CFAP61: variants seen among roughly 807,000 people sequenced by gnomAD.
CFAP61 encodes the protein cilia and flagella associated protein 61.
A neutral mutation model predicts 135.6 loss-of-function variants in CFAP61; 107 were observed. That is an observed-to-expected ratio of 0.79 (90% confidence interval 0.67 to 0.93). The LOEUF is 0.93. Among genes scored for constraint, CFAP61 ranks in the 40% least tolerant of loss-of-function variants. The probability of loss-of-function intolerance (pLI) is 0.00; values close to 1 mark genes in which losing one functional copy is unlikely to be tolerated. For synonymous variants in CFAP61, 575 were observed against 578.5 expected (o/e 0.99, Z 0.09); for missense variants, 1,507 against 1,556.2 (o/e 0.97, Z 0.53).
intron 8 of CFAP61, among the ~76,000 whole-genome samples, chr20:20,134,360 G>A (rs186118486): frequency 2.6e-5 from 4 of 152,330 alleles, no homozygotes; most frequent in African/African-American, 9.6e-5. Context: ...CAAGTTCAGT[G>A]TTGCTGGAGC....
At chr20:20,118,625 A>T (rs1600753239) in intron 8 of CFAP61, among the ~76,000 whole-genome samples, 1 of 151,018 alleles carries the variant, frequency 6.6e-6, no homozygotes, top group South Asian at 2.1e-4. Context: ...ACAGGTGTGA[A>T]CCACTGTGCC....
At chr20:20,326,578 C>G (rs2057755193) in intron 25 of CFAP61, among the ~76,000 whole-genome samples, 1 of 152,056 alleles carries the variant, frequency 6.6e-6, no homozygotes, top group Non-Finnish European at 1.5e-5. Context: ...ATAATTTTCC[C>G]AACAACTCTT....
At chr20:20,135,387 G>A (rs2050844039) in intron 8 of CFAP61, among the ~76,000 whole-genome samples, 1 of 152,160 alleles carries the variant, frequency 6.6e-6, no homozygotes, top group South Asian at 2.1e-4. Flanking sequence ...CAATTATGAA[G>A]AAGACAAAAG....
At chr20:20,052,777 AGG>A (rs1201813006) in intron 1 of CFAP61, 186 bp downstream of exon 1, 7 of 1,505,830 alleles carry the variant, frequency 4.6e-6, no homozygotes, top group Non-Finnish European at 6.3e-6. Context: ...CGGGGGAAGA[AGG>A]GAGAGCGAGG....
Position 20,294,749 on chromosome 20 carries a change from A to G in CFAP61, c.3217-3432A>G, listed in dbSNP as rs867586533. 3.8e-3 allele frequency among the ~76,000 whole-genome samples: 573 copies of G among 151,730 alleles called. 3 individuals carry two copies. The highest frequency in any genetic ancestry group is 6.9e-3 in the Middle Eastern group (2 of 290). On this transcript the variant is annotated intron_variant, in intron 24 of 26. Coordinates refer to ENST00000245957, the MANE Select transcript of CFAP61 (RefSeq NM_015585.4). Reference sequence around the variant, plus strand: ...CGAGACCATCCTGGCTAACAAGGTGAAACCCCGTCTCTACTAAAAATACAA... The same window carrying G: ...CGAGACCATCCTGGCTAACAAGGTGGAACCCCGTCTCTACTAAAAATACAA...
chr20:20,186,390 T>C (rs2055500989), intron 13 of CFAP61, among the ~76,000 whole-genome samples: 1 of 152,238 alleles, frequency 6.6e-6, no homozygotes, highest in African/African-American at 2.4e-5. Context: ...TTCTGTTGTA[T>C]GTATCAATCA....
In CFAP61 at chr20:20,239,244, C is replaced by A. The variant is rs560588803; in HGVS notation, c.2061-6873C>A. 2.0e-5 allele frequency among the ~76,000 whole-genome samples: 3 copies of A among 152,238 alleles called. No homozygotes were observed. In the South Asian group the frequency reaches 6.2e-4, roughly 32 times the overall value. ...TCATGACTTTAGACCAATACTCTTACATAGTTATAGATTTAAGAAATTAAA... is the reference window on the plus strand; with the variant it reads ...TCATGACTTTAGACCAATACTCTTAAATAGTTATAGATTTAAGAAATTAAA... On this transcript the variant is annotated intron_variant, in intron 18 of 26. Coordinates refer to ENST00000245957, the MANE Select transcript of CFAP61 (RefSeq NM_015585.4).
At chr20:20,160,136 G>C (rs947971270) in intron 10 of CFAP61, among the ~76,000 whole-genome samples, 6 of 152,210 alleles carry the variant, frequency 3.9e-5, no homozygotes, top group Admixed American at 3.9e-4. Context: ...GGAGGGTGTT[G>C]TAGGCTTTTG....
intron 25 of CFAP61, chr20:20,316,622 T>G (rs2057154127): frequency 6.6e-6 from 1 of 151,818 alleles, no homozygotes; most frequent in South Asian, 2.1e-4. Context: ...TGTGCCAGTT[T>G]TCAAAGGGAA....
At chr20:20,200,912 G>C (rs1286692047) in intron 17 of CFAP61, 1 of 985,084 alleles carries the variant, frequency 1.0e-6, no homozygotes, top group South Asian at 4.7e-5. Context: ...GGATGGGGAG[G>C]GCACCTCCAT....
chr20:20,201,244 A>G (rs535906140), intron 17 of CFAP61, among the ~76,000 whole-genome samples: 20 of 152,320 alleles, frequency 1.3e-4, no homozygotes, highest in African/African-American at 4.1e-4. Flanking sequence ...TCTTACTCAT[A>G]TCTTCATAGA....
At chr20:20,170,530 A>G (rs895427374) in intron 13 of CFAP61, among the ~76,000 whole-genome samples, 2 of 152,200 alleles carry the variant, frequency 1.3e-5, no homozygotes, top group African/African-American at 2.4e-5. Flanking sequence ...TATTTTTACA[A>G]AATGTTCTGA....
At position 20,318,776 on chromosome 20, in the gene CFAP61, CA is replaced by C. The variant is rs201583732; in HGVS notation, c.3422+20391del. Among the ~76,000 whole-genome samples, 842 of 152,318 alleles carry C rather than the reference CA, an allele frequency of 5.5e-3. 14 individuals are homozygous for C. Among genetic ancestry groups the C allele is most frequent in the African/African-American group, 0.019 (799 of 41,568 alleles). On this transcript the variant is annotated intron_variant, in intron 25 of 26. Transcript: ENST00000245957. ...CATGGCCATGTCCCAGCCCTGAGGCCAGGGGGCAAGGCTGCTTGGGGGTCAG... is the reference window on the plus strand; with the variant it reads ...CATGGCCATGTCCCAGCCCTGAGGCCGGGGGCAAGGCTGCTTGGGGGTCAG...
Position 20,090,918 on chromosome 20 carries a change from A to G in CFAP61, c.641A>G (p.Tyr214Cys). The G allele has an allele frequency of 1.2e-6, 2 of 1,614,110 alleles. No homozygotes were observed. The highest frequency in any genetic ancestry group is 8.5e-7 in the Non-Finnish European group (1 of 1,179,998). Residue 214 changes from tyrosine to cysteine, a missense_variant, in exon 7 of 27, where the codon TAC (tyrosine) becomes TGC (cysteine). Coordinates refer to ENST00000245957, the MANE Select transcript of CFAP61 (RefSeq NM_015585.4). ...DTILKETYGE[Y>C]FLAELIEAQD... ...ATTCTGAAGGAAACTTACGGTGAAT[A>G]CTTCCTGGCCGAACTAATAGAGGCC...
At chr20:20,089,747 G>A (rs1327988004) in intron 6 of CFAP61, among the ~76,000 whole-genome samples, 1 of 152,124 alleles carries the variant, frequency 6.6e-6, no homozygotes, top group Non-Finnish European at 1.5e-5. Context: ...TCTGGTTTTT[G>A]TTCCCACCTG....
At chr20:20,348,047 C>A (rs187462144) in intron 26 of CFAP61, among the ~76,000 whole-genome samples, 154 of 151,442 alleles carry the variant, frequency 1.0e-3, no homozygotes, top group African/African-American at 3.6e-3. Flanking sequence ...AAACCTCACA[C>A]AAAGAAAAGC....
chr20:20,156,284 T>G (rs2146788827), intron 9 of CFAP61, among the ~76,000 whole-genome samples: 1 of 152,296 alleles, frequency 6.6e-6, no homozygotes, highest in African/African-American at 2.4e-5. Context: ...AATTCACCAT[T>G]TTAACAAACT....
intron 8 of CFAP61, among the ~76,000 whole-genome samples, chr20:20,123,732 A>G (rs2049848820): frequency 6.6e-6 from 1 of 151,632 alleles, no homozygotes; most frequent in East Asian, 1.9e-4. Context: ...TTGGTTCCAT[A>G]TGAATTTTAG....
In CFAP61 at chr20:20,314,428, G is replaced by A. The variant is rs1199037859; in HGVS notation, c.3422+16042G>A. 3.3e-5 allele frequency among the ~76,000 whole-genome samples: 5 copies of A among 150,410 alleles called. No homozygotes were observed. In the East Asian group the frequency reaches 9.6e-4, roughly 29 times the overall value. ...AAAAAAATCAACATGAGTTTTGTTG[G>A]GGAAAAAGAAACCATAAACCATAGC... On this transcript the variant is annotated intron_variant, in intron 25 of 26. Coordinates refer to ENST00000245957, the MANE Select transcript of CFAP61 (RefSeq NM_015585.4).
Sources: allele counts gnomAD v4.1 joint callset (sites outside exome capture counted in the v4.1 genomes callset), GRCh38; gene constraint gnomAD v4.1.1; transcripts MANE v1.5; gene names NCBI Gene and HGNC (gene_info 2026-07-23, HGNC 2026-07-21).